PPTC7: variants seen among roughly 807,000 people sequenced by gnomAD.
The protein encoded by PPTC7 is protein phosphatase PTC7 homolog.
A neutral mutation model predicts 30.8 loss-of-function variants in PPTC7; 6 were observed. That is an observed-to-expected ratio of 0.19 (90% confidence interval 0.11 to 0.38). PPTC7 has a LOEUF of 0.38. Among genes scored for constraint, PPTC7 ranks in the 10% least tolerant of loss-of-function variants. The probability of loss-of-function intolerance (pLI) is 1.00; values close to 1 mark genes in which losing one functional copy is unlikely to be tolerated. For missense variants in PPTC7, 218 were observed against 404.8 expected (o/e 0.54, Z 3.96); for synonymous variants, 163 against 168.1 (o/e 0.97, Z 0.23).
chr12:110,555,395 A>G (rs931624309), intron 1 of PPTC7, among the ~76,000 whole-genome samples: 1 of 152,244 alleles, frequency 6.6e-6, no homozygotes, highest in African/African-American at 2.4e-5. Flanking sequence ...AGAAGCACAG[A>G]TGAAAGAAGA....
Position 110,583,129 on chromosome 12 carries a change from C to T in PPTC7, c.-98G>A, listed in dbSNP as rs1325064088. 2 of 973,088 alleles carry T rather than the reference C, an allele frequency of 2.1e-6. No homozygotes were observed. The highest frequency in any genetic ancestry group is 2.7e-6 in the Non-Finnish European group (2 of 750,308). 60.3% of individuals were successfully genotyped at this position (973,088 alleles called of 1,614,324 possible). ...CTCCTCAGCCGCAGTCGCGCCGCCGCTGGGGCGCTCCTCAGGGCGGCGCGC... is the reference window on the plus strand; with the variant it reads ...CTCCTCAGCCGCAGTCGCGCCGCCGTTGGGGCGCTCCTCAGGGCGGCGCGC... On this transcript the variant is annotated 5_prime_UTR_variant, in exon 1 of 6. Transcript: ENST00000354300.
chr12:110,542,983 C>T (rs2064274630), intron 3 of PPTC7, among the ~76,000 whole-genome samples: 1 of 152,174 alleles, frequency 6.6e-6, no homozygotes, highest in African/African-American at 2.4e-5. Flanking sequence ...TTCCAGGCCT[C>T]CCTGGGGAGG....
intron 1 of PPTC7, 79 bp downstream of exon 1, chr12:110,582,730 G>A (rs1450156847): frequency 7.3e-6 from 9 of 1,231,898 alleles, no homozygotes; most frequent in South Asian, 1.4e-5. Flanking sequence ...CCGCCGGGAG[G>A]AACTGGGGAA....
chr12:110,559,897 T>C (rs868119014), intron 1 of PPTC7, among the ~76,000 whole-genome samples: 2 of 152,064 alleles, frequency 1.3e-5, no homozygotes, highest in Non-Finnish European at 2.9e-5. Flanking sequence ...CATACCCAGC[T>C]ATTTATTTTT....
intron 1 of PPTC7, among the ~76,000 whole-genome samples, chr12:110,562,155 C>T (rs2064443075): frequency 6.6e-6 from 1 of 151,744 alleles, no homozygotes; most frequent in East Asian, 1.9e-4. Context: ...CCTGGTGGCG[C>T]ATGCCTGTAG....
rs2064215979 is a variant in PPTC7, at chr12:110,536,016, C to G, written c.*1021G>C. 6.6e-6 allele frequency: 1 copy of G among 152,504 alleles called. No individual in the cohort carries two copies. Among genetic ancestry groups the G allele is most frequent in the Non-Finnish European group, 1.5e-5 (1 of 68,048 alleles). 9.4% of individuals were successfully genotyped at this position (152,504 alleles called of 1,614,324 possible). On this transcript the variant is annotated 3_prime_UTR_variant, in exon 6 of 6. Coordinates refer to ENST00000354300, the MANE Select transcript of PPTC7 (RefSeq NM_139283.2). Reference sequence around the variant, plus strand: ...ACAGTGCTCTCTCCACATGGACTCACTGGATTTGGTGCATGCTCTATAGAA... The same window carrying G: ...ACAGTGCTCTCTCCACATGGACTCAGTGGATTTGGTGCATGCTCTATAGAA...
rs1015512410 is a variant in PPTC7 at position 110,566,634 on chromosome 12, C to T, written c.224-14666G>A. On this transcript the variant is annotated intron_variant, in intron 1 of 5. Transcript: ENST00000354300. Reference sequence around the variant, plus strand: ...CTAAGAAAGGCTGGCGAGCAGCAAACAGACCAGCCTAGACTGCAGCAATCA... The same window carrying T: ...CTAAGAAAGGCTGGCGAGCAGCAAATAGACCAGCCTAGACTGCAGCAATCA... Among the ~76,000 whole-genome samples the T allele has an allele frequency of 4.6e-5, 7 of 152,194 alleles. 1 individual carries two copies. Among genetic ancestry groups the T allele is most frequent in the Admixed American group, 3.9e-4 (6 of 15,276 alleles).
At chr12:110,557,707 G>A (rs1423847687) in intron 1 of PPTC7, among the ~76,000 whole-genome samples, 1 of 152,154 alleles carries the variant, frequency 6.6e-6, no homozygotes, top group Non-Finnish European at 1.5e-5. Context: ...AGGTAATGTG[G>A]GTATATTAGT....
chr12:110,568,377 T>C (rs12306277), intron 1 of PPTC7, among the ~76,000 whole-genome samples: 35,434 of 151,342 alleles, frequency 0.23, 6,234 homozygotes, highest in African/African-American at 0.5. Flanking sequence ...CTCAGCCTCC[T>C]GAGTAGCTGG....
chr12:110,573,556 A>G (rs2064557748), intron 1 of PPTC7, among the ~76,000 whole-genome samples: 1 of 152,232 alleles, frequency 6.6e-6, no homozygotes, highest in Non-Finnish European at 1.5e-5. Context: ...GTATACAATT[A>G]TATACACAAA....
At chr12:110,569,226 G>A (rs891815399) in intron 1 of PPTC7, among the ~76,000 whole-genome samples, 14 of 151,678 alleles carry the variant, frequency 9.2e-5, no homozygotes, top group Admixed American at 4.6e-4. Context: ...CCAGCTACAC[G>A]GAAGGCTAAG....
At chr12:110,547,710 G>A (rs1248340443) in intron 2 of PPTC7, among the ~76,000 whole-genome samples, 1 of 151,932 alleles carries the variant, frequency 6.6e-6, no homozygotes, top group African/African-American at 2.4e-5. Flanking sequence ...AACACAAATG[G>A]GCCACGGAAC....
intron 1 of PPTC7, among the ~76,000 whole-genome samples, chr12:110,566,660 GA>G (rs1485499621): frequency 6.6e-6 from 1 of 151,598 alleles, no homozygotes; most frequent in African/African-American, 2.4e-5. Context: ...GCAGCAATCA[GA>G]AAAAAAAGAG....
Position 110,537,019 on chromosome 12 carries a change from C to T in PPTC7, c.*18G>A, listed in dbSNP as rs1214132912. ...AAATTTGGGATGATGAAAGGAAAGG[C>T]AGGACTTGACACCTCAGCTAGTCTG... is the stretch of plus-strand genomic sequence containing the variant. On this transcript the variant is annotated 3_prime_UTR_variant, in exon 6 of 6. Coordinates refer to ENST00000354300, the MANE Select transcript of PPTC7 (RefSeq NM_139283.2). The T allele has an allele frequency of 1.9e-6, 3 of 1,602,982 alleles. No individual in the cohort carries two copies. The Admixed American group carries it at 5.0e-5, about 27-fold the overall frequency.
chr12:110,558,914 T>C (rs756189425), intron 1 of PPTC7, among the ~76,000 whole-genome samples: 5 of 152,224 alleles, frequency 3.3e-5, no homozygotes, highest in Admixed American at 2.6e-4. Context: ...GCTAGTTTTA[T>C]CTTTTCAATG....
intron 2 of PPTC7, among the ~76,000 whole-genome samples, chr12:110,548,042 G>C (rs963437573): frequency 2.6e-5 from 4 of 151,882 alleles, no homozygotes; most frequent in African/African-American, 4.8e-5. Context: ...GGGGGGCAGA[G>C]GTTTCAGTGA....
chr12:110,547,962 C>T (rs1192821187), intron 2 of PPTC7, among the ~76,000 whole-genome samples: 2 of 152,042 alleles, frequency 1.3e-5, no homozygotes, highest in Non-Finnish European at 2.9e-5. Flanking sequence ...AAAAAATTAG[C>T]TGGACGTGGT....
intron 1 of PPTC7, among the ~76,000 whole-genome samples, chr12:110,575,065 T>C (rs917121475): frequency 2.0e-5 from 3 of 151,600 alleles, no homozygotes; most frequent in African/African-American, 4.9e-5. Flanking sequence ...TCTGGGATTA[T>C]AGGTTGTGAC....
chr12:110,542,662 A>G, intron 3 of PPTC7, among the ~76,000 whole-genome samples: 1 of 137,382 alleles, frequency 7.3e-6, no homozygotes, highest in Non-Finnish European at 1.6e-5. Context: ...CAGCAGAGCG[A>G]GACTCTGTCT....
Sources: gnomAD v4.1 joint callset for allele counts (sites outside exome capture counted in the v4.1 genomes callset) on GRCh38, gnomAD v4.1.1 for gene constraint, MANE v1.5 for transcripts, NCBI Gene and HGNC (gene_info 2026-07-23, HGNC 2026-07-21) for gene names.